Variants in HPSE2 observed in about 807,000 individuals in gnomAD.
HPSE2 encodes inactive heparanase-2.
A neutral mutation model predicts 60.5 loss-of-function variants in HPSE2; 38 were observed. That is an observed-to-expected ratio of 0.63 (90% confidence interval 0.48 to 0.82). HPSE2 has a LOEUF of 0.82. HPSE2 is among the 40% of genes least tolerant of loss of function. The pLI, the probability that HPSE2 is intolerant of heterozygous loss-of-function variation, is 0.00. For synonymous variants in HPSE2, 295 were observed against 293.2 expected (o/e 1.01, Z -0.06); for missense variants, 713 against 740.4 (o/e 0.96, Z 0.43).
At chr10:98,947,477 A>C (rs1564681437) in intron 3 of HPSE2, among the ~76,000 whole-genome samples, 1 of 152,124 alleles carries the variant, frequency 6.6e-6, no homozygotes, top group South Asian at 2.1e-4. Context: ...ATAACAAGAG[A>C]AGTAGCTCCT....
chr10:99,124,189 A>G (rs1052194711), intron 3 of HPSE2, among the ~76,000 whole-genome samples: 8 of 152,300 alleles, frequency 5.3e-5, no homozygotes, highest in Middle Eastern at 3.4e-3. Context: ...CAGGCAGGTC[A>G]TCCTGATTTC....
rs116818147 is a variant in HPSE2, at chr10:98,801,227, A to G, written c.611-57171T>C. Among the ~76,000 whole-genome samples the G allele has an allele frequency of 5.9e-3, 897 of 152,302 alleles. 5 individuals carry two copies. The highest frequency in any genetic ancestry group is 0.02 in the African/African-American group (848 of 41,576). On this transcript the variant is annotated intron_variant, in intron 3 of 11. Transcript: ENST00000370552. ...ACATGCCTCAACACATAAAAGCTAG[A>G]TACAACAGACCCACGGCTAGTATCA...
intron 9 of HPSE2, among the ~76,000 whole-genome samples, chr10:98,564,932 G>A (rs927965149): frequency 3.3e-5 from 5 of 152,156 alleles, no homozygotes; most frequent in Middle Eastern, 3.4e-3. Flanking sequence ...AATCCAAACT[G>A]GGACAATTCT....
intron 9 of HPSE2, among the ~76,000 whole-genome samples, chr10:98,607,275 T>A (rs1339967610): frequency 6.6e-6 from 1 of 152,174 alleles, no homozygotes; most frequent in African/African-American, 2.4e-5. Context: ...GCAGCAAGAC[T>A]ATAATTGCTT....
chr10:99,254,523 TG>T, the HPSE2 span, among the ~76,000 whole-genome samples: 6 of 152,106 alleles, frequency 3.9e-5, no homozygotes, highest in African/African-American at 1.4e-4. Flanking sequence ...AATTTATACA[TG>T]TACCTCCCAA....
intron 4 of HPSE2, 138 bp downstream of exon 4, chr10:98,743,745 T>C (rs1949558240): frequency 3.9e-6 from 3 of 760,740 alleles, no homozygotes; most frequent in South Asian, 3.0e-5. Context: ...ACCATTTGGA[T>C]AGTCAACTCA....
In HPSE2 at chr10:99,126,806, G is replaced by A. The variant is rs1845181033; in HGVS notation, c.610+17432C>T. ...GTATCCATGGCTGAGACCTGAAGAT[G>A]GATCACATCATAGGACTCTTTGCAG... On this transcript the variant is annotated intron_variant, in intron 3 of 11. Coordinates refer to ENST00000370552, the MANE Select transcript of HPSE2 (RefSeq NM_021828.5). The surrounding 1 kb of genome is among the most constrained non-coding windows in gnomAD (Gnocchi z 4.0). Among the ~76,000 whole-genome samples the A allele has an allele frequency of 6.6e-6, 1 of 152,156 alleles. No individual in the cohort carries two copies.
At chr10:99,062,706 CTAAGT>C (rs950865641) in intron 3 of HPSE2, among the ~76,000 whole-genome samples, 8 of 152,136 alleles carry the variant, frequency 5.3e-5, no homozygotes, top group African/African-American at 1.7e-4. Flanking sequence ...ATGAAGTAAG[CTAAGT>C]TAATATCTAA....
chr10:99,152,191 G>C (rs1404532992), intron 2 of HPSE2, among the ~76,000 whole-genome samples: 1 of 151,622 alleles, frequency 6.6e-6, no homozygotes, highest in Non-Finnish European at 1.5e-5. Flanking sequence ...GGCGCCTGTA[G>C]TCCCAGCTAC....
At chr10:98,838,529 A>G (rs559546741) in intron 3 of HPSE2, among the ~76,000 whole-genome samples, 2 of 149,098 alleles carry the variant, frequency 1.3e-5, no homozygotes, top group South Asian at 2.1e-4. Flanking sequence ...GGCTCAATTG[A>G]TCCCCCTGCA....
At chr10:98,459,824 A>G in intron 11 of HPSE2, 85 bp from the exon 12 acceptor site, 2 of 1,253,174 alleles carry the variant, frequency 1.6e-6, no homozygotes, top group Non-Finnish European at 1.1e-6. Flanking sequence ...ATGGCCTGGC[A>G]GTGTCTGATA....
chr10:99,300,240 T>C, the HPSE2 span, among the ~76,000 whole-genome samples: 1 of 151,960 alleles, frequency 6.6e-6, no homozygotes, highest in Non-Finnish European at 1.5e-5. Context: ...GCCACAGGCT[T>C]AAGAGGGAGT....
At chr10:99,122,185 T>C (rs1399820274) in intron 3 of HPSE2, among the ~76,000 whole-genome samples, 2 of 152,076 alleles carry the variant, frequency 1.3e-5, no homozygotes, top group African/African-American at 2.4e-5. Context: ...TAACAGAAGT[T>C]ATCCTACTTT....
intron 2 of HPSE2, among the ~76,000 whole-genome samples, chr10:99,194,252 A>C (rs994288329): frequency 6.6e-6 from 1 of 151,894 alleles, no homozygotes; most frequent in African/African-American, 2.4e-5. Flanking sequence ...ACATACCAAA[A>C]CCTATAGGAC....
chr10:98,955,981 GGA>G (rs1465807649), intron 3 of HPSE2, among the ~76,000 whole-genome samples: 4 of 152,074 alleles, frequency 2.6e-5, no homozygotes, highest in Admixed American at 6.6e-5. Context: ...GAGAGCATCA[GGA>G]TAAACAGTTG....
intron 3 of HPSE2, among the ~76,000 whole-genome samples, chr10:98,965,601 C>T (rs1429821180): frequency 6.6e-6 from 1 of 152,088 alleles, no homozygotes; most frequent in Non-Finnish European, 1.5e-5. Flanking sequence ...AACAGAAATT[C>T]TTCCATTCTC....
At chr10:99,266,789 T>C in the HPSE2 span, among the ~76,000 whole-genome samples, 3 of 152,190 alleles carry the variant, frequency 2.0e-5, no homozygotes, top group South Asian at 4.2e-4. Context: ...CTACTACCCA[T>C]GGCTGAGAGA....
chr10:98,727,700 T>C (rs1949123935), intron 4 of HPSE2, among the ~76,000 whole-genome samples: 1 of 149,686 alleles, frequency 6.7e-6, no homozygotes, highest in Admixed American at 6.7e-5. Context: ...AAACTAAAAA[T>C]AATAAAGAGC....
intron 3 of HPSE2, among the ~76,000 whole-genome samples, chr10:99,091,591 A>G (rs917710865): frequency 6.6e-5 from 10 of 152,188 alleles, no homozygotes; most frequent in African/African-American, 2.4e-4. Context: ...CAAAAACAAC[A>G]ACAAAAAAAA....
Sources: allele counts gnomAD v4.1 joint callset (sites outside exome capture counted in the v4.1 genomes callset), GRCh38; gene constraint gnomAD v4.1.1; non-coding constraint Gnocchi (gnomAD v3.1); transcripts MANE v1.5; gene names NCBI Gene and HGNC (gene_info 2026-07-23, HGNC 2026-07-21).